EPHA10: variants seen among roughly 807,000 people sequenced by gnomAD.
EPHA10 encodes the protein ephrin type-A receptor 10.
Under a neutral mutation model 109.7 loss-of-function variants are expected in EPHA10, and 120 were observed. The ratio of observed to expected loss-of-function variants is 1.09; its 90% CI spans 0.94 to 1.27. The LOEUF is 1.27. Ranked by LOEUF, EPHA10 falls within the 50% of genes most tolerant of loss-of-function variation. EPHA10 has a pLI of 0.00. For missense variants in EPHA10, 1,396 were observed against 1,411.1 expected (o/e 0.99, Z 0.17); for synonymous variants, 640 against 618.9 (o/e 1.03, Z -0.51).
intron 5 of EPHA10, among the ~76,000 whole-genome samples, chr1:37,748,202 T>C (rs988869652): frequency 6.6e-6 from 1 of 151,876 alleles, no homozygotes; most frequent in Non-Finnish European, 1.5e-5. Flanking sequence ...TTACTAAAAA[T>C]ACAAAAATTA....
intron 2 of EPHA10, 56 bp downstream of exon 2, chr1:37,762,729 T>C (rs1646443953): frequency 1.4e-6 from 2 of 1,466,442 alleles, no homozygotes; most frequent in African/African-American, 2.8e-5. Context: ...CTGAGGAGAC[T>C]GTGTCCTGGA....
intron 5 of EPHA10, among the ~76,000 whole-genome samples, chr1:37,741,946 T>C (rs1177201200): frequency 6.6e-6 from 1 of 152,070 alleles, no homozygotes; most frequent in East Asian, 1.9e-4. Context: ...TGAAGCATTC[T>C]AGGAGGTGGC....
In EPHA10 at chr1:37,761,213, G is replaced by A. The variant is rs11809448; in HGVS notation, c.850+192C>T. 2,721 of 1,481,358 alleles carry A rather than the reference G, an allele frequency of 1.8e-3. 51 individuals are homozygous for A. In the African/African-American group the frequency reaches 0.035, roughly 19 times the overall value. The allele number at this position is 1,481,358 out of a possible 1,614,324, so 91.8% of individuals were successfully genotyped here. On this transcript the variant is annotated intron_variant, in intron 3 of 16. Transcript: ENST00000373048. ...TTAGCCAGTCAATTTCATCTAGTAA[G>A]TTCACTCATTGGCCCTGACTGGACT...
At chr1:37,735,168 G>C in intron 6 of EPHA10, 89 bp downstream of exon 6, 1 of 1,507,220 alleles carries the variant, frequency 6.6e-7, no homozygotes, top group South Asian at 1.2e-5. Flanking sequence ...AGTAACGAGG[G>C]CTTTTGCTGG....
At chr1:37,744,690 T>C (rs1325385717) in intron 5 of EPHA10, among the ~76,000 whole-genome samples, 1 of 152,016 alleles carries the variant, frequency 6.6e-6, no homozygotes, top group Non-Finnish European at 1.5e-5. Context: ...TAAAAGCTTT[T>C]GTGATTGAAA....
rs1164548824 is a variant in EPHA10, at chr1:37,719,429, A to G, written c.2741T>C (p.Leu914Pro). The change falls in exon 15 of 17, where the codon CTG (leucine) becomes CCG (proline). Residue 914 changes from leucine (L) to proline (P), a missense_variant. Transcript: ENST00000373048. ...GGGAACGTACCTGGGACAGGTAGTC[A>G]GGGCACACTTGGGGGGCTCTGGGTC... The part of the protein sequence containing the change: ...VQDPEPPKCA[L>P]TTCPRPPTPL... 6.8e-6 allele frequency: 11 copies of G among 1,613,138 alleles called. No homozygotes were observed. Among genetic ancestry groups the G allele is most frequent in the African/African-American group, 1.3e-5 (1 of 75,044 alleles).
At chr1:37,725,751 G>T (rs1011397539) in intron 8 of EPHA10, among the ~76,000 whole-genome samples, 2 of 152,122 alleles carry the variant, frequency 1.3e-5, no homozygotes, top group African/African-American at 4.8e-5. Flanking sequence ...ATGGAGGAGC[G>T]AAAGAGGGTG....
At chr1:37,737,931 G>GTTTT (rs1557545415) in intron 5 of EPHA10, 8 of 55,932 alleles carry the variant, frequency 1.4e-4, no homozygotes, top group South Asian at 5.8e-4. Flanking sequence ...ATAACTGTAG[G>GTTTT]CTTTTTTTTT....
intron 5 of EPHA10, among the ~76,000 whole-genome samples, chr1:37,739,874 G>A (rs1266167681): frequency 2.6e-5 from 4 of 151,428 alleles, no homozygotes; most frequent in African/African-American, 7.3e-5. Flanking sequence ...TGGGAGGATC[G>A]CTTGAGCCCA....
At chr1:37,742,954 C>CCA (rs1377463459) in intron 5 of EPHA10, among the ~76,000 whole-genome samples, 3 of 152,190 alleles carry the variant, frequency 2.0e-5, no homozygotes, top group Admixed American at 1.3e-4. Flanking sequence ...TATGATCATG[C>CCA]CACTGCACTC....
At chr1:37,760,525 T>C in intron 3 of EPHA10, 2 of 927,772 alleles carry the variant, frequency 2.2e-6, no homozygotes, top group Non-Finnish European at 2.6e-6. Flanking sequence ...CTCTCCAGCA[T>C]AAAAATCCCC....
At chr1:37,753,285 G>C (rs1038746296) in intron 4 of EPHA10, 59 bp from the exon 5 acceptor site, 19 of 1,070,204 alleles carry the variant, frequency 1.8e-5, no homozygotes, top group Non-Finnish European at 2.3e-5. Flanking sequence ...TGAGAGGGGC[G>C]GGATGCACGA....
chr1:37,738,821 TA>T (rs34878672), intron 5 of EPHA10, among the ~76,000 whole-genome samples: 49,524 of 151,826 alleles, frequency 0.33, 8,280 homozygotes, highest in East Asian at 0.48. Flanking sequence ...TATGCAGCCA[TA>T]AAAAAAGGAT....
At chr1:37,753,509 G>A (rs1021956273) in intron 4 of EPHA10, among the ~76,000 whole-genome samples, 2 of 151,554 alleles carry the variant, frequency 1.3e-5, no homozygotes, top group African/African-American at 4.9e-5. Context: ...AATGGGCCGT[G>A]GGAGCCAGTG....
chr1:37,744,846 T>A (rs1157797195), intron 5 of EPHA10, among the ~76,000 whole-genome samples: 1 of 152,224 alleles, frequency 6.6e-6, no homozygotes, highest in Non-Finnish European at 1.5e-5. Context: ...TCTCAGAATG[T>A]GATCTTATTT....
chr1:37,731,343 C>T, intron 7 of EPHA10, 68 bp downstream of exon 7: 1 of 1,452,122 alleles, frequency 6.9e-7, no homozygotes, highest in East Asian at 2.4e-5. Context: ...CTCTATTTGT[C>T]TCCCTACCTC....
chr1:37,765,054 C>G lies in EPHA10; in HGVS notation c.13G>C (p.Ala5Pro). The G allele has an allele frequency of 1.2e-6, 2 of 1,601,832 alleles. No homozygotes were observed. Among genetic ancestry groups the G allele is most frequent in the Non-Finnish European group, 1.7e-6 (2 of 1,176,652 alleles). Residue 5 changes from alanine (A) to proline (P), a missense_variant, in exon 1 of 17, where the codon GCC becomes CCC. Coordinates refer to ENST00000373048, the MANE Select transcript of EPHA10 (RefSeq NM_001099439.2). ...AAGAGGCGCAGCGGGTGTGGACCGG[C>G]GCAGGTCTCCATGGTCCGCAGACCG... METCAGPHPLRLFLC... is the reference protein window; with the variant it reads METCPGPHPLRLFLC...
At chr1:37,726,656 CT>C (rs749218233) in intron 8 of EPHA10, among the ~76,000 whole-genome samples, 2 of 152,186 alleles carry the variant, frequency 1.3e-5, no homozygotes, top group Non-Finnish European at 2.9e-5. Context: ...GAGGTTTCTG[CT>C]TTATGAAATG....
At chr1:37,714,430 G>C (rs1186609100), downstream of EPHA10, among the ~76,000 whole-genome samples, 1 of 152,126 alleles carries the variant, frequency 6.6e-6, no homozygotes, top group African/African-American at 2.4e-5. Context: ...AGCCTGTCCT[G>C]GTCATTGTCT....
Sources: gnomAD v4.1 joint callset for allele counts (sites outside exome capture counted in the v4.1 genomes callset) on GRCh38, gnomAD v4.1.1 for gene constraint, MANE v1.5 for transcripts, NCBI Gene and HGNC (gene_info 2026-07-23, HGNC 2026-07-21) for gene names.